Variants in FREM3 observed in about 807,000 individuals in gnomAD.
FREM3 encodes FRAS1-related extracellular matrix protein 3.
In FREM3, 105 loss-of-function variants were observed where a neutral mutation model predicts 129.1. The observed-to-expected ratio is 0.81, with a 90% CI of 0.69 to 0.96. The LOEUF is 0.96. Among genes scored for constraint, FREM3 ranks in the 40% least tolerant of loss-of-function variants. The pLI is 0.00. For synonymous variants in FREM3, 1,014 were observed against 1,044.9 expected, an observed-to-expected ratio of 0.97 and a Z score of 0.57; for missense variants, 2,593 against 2,666.3, an observed-to-expected ratio of 0.97 and a Z score of 0.61.
chr4:143,620,250 C>T (rs1328315982), intron 5 of FREM3, among the ~76,000 whole-genome samples: 1 of 152,174 alleles, frequency 6.6e-6, no homozygotes, highest in Non-Finnish European at 1.5e-5. Flanking sequence ...CCAACAGCTT[C>T]CAATCAGGAC....
chr4:143,683,687 T>A (rs1740300990), intron 2 of FREM3, among the ~76,000 whole-genome samples: 1 of 151,992 alleles, frequency 6.6e-6, no homozygotes, highest in South Asian at 2.1e-4. Flanking sequence ...AGGGAGCAAA[T>A]CCAGTGAGCA....
intron 2 of FREM3, among the ~76,000 whole-genome samples, chr4:143,646,754 C>T (rs1739425064): frequency 6.6e-6 from 1 of 152,184 alleles, no homozygotes; most frequent in Admixed American, 6.5e-5. Flanking sequence ...AGCATGAGAA[C>T]AGACTAATGC....
chr4:143,627,787 G>T (rs1031974611), intron 2 of FREM3, 27 bp from the exon 3 acceptor site: 3 of 1,496,582 alleles, frequency 2.0e-6, no homozygotes, highest in Non-Finnish European at 2.7e-6. Flanking sequence ...CAAAGGAAAA[G>T]TCAGCTGGAG....
At chr4:143,609,313 G>A (rs568928420) in intron 6 of FREM3, among the ~76,000 whole-genome samples, 58 of 152,254 alleles carry the variant, frequency 3.8e-4, no homozygotes, top group Non-Finnish European at 6.0e-4. Flanking sequence ...CTGTTCTGAC[G>A]CCAATCTTTC....
chr4:143,695,586 T>G lies in FREM3; in HGVS notation c.5090A>C (p.His1697Pro), dbSNP rs1200363754. 1.6e-5 allele frequency: 25 copies of G among 1,537,262 alleles called. No individual in the cohort carries two copies. The highest frequency in any genetic ancestry group is 2.0e-5 in the Non-Finnish European group (23 of 1,146,952). The change falls in exon 1 of 8, where the codon CAC becomes CCC. Residue 1697 changes from histidine (H) to proline (P), a missense_variant. His to Pro is a moderately conservative substitution (Grantham distance 77). Around this residue, in one of 2 missense-constraint regions of FREM3, gnomAD observed 2,276 missense variants for 2,267.2 expected, o/e 1.00. Coordinates refer to ENST00000329798, the MANE Select transcript of FREM3 (RefSeq NM_001168235.2). Reference sequence around the variant, plus strand: ...GGTCACTTTATACTTCAGAAGCCTGTGGGGACTGTCCTGATCTTCTGCCTT... The same window carrying G: ...GGTCACTTTATACTTCAGAAGCCTGGGGGGACTGTCCTGATCTTCTGCCTT... ...SLKAEDQDSP[H>P]RLLKYKVTRG...
intron 2 of FREM3, among the ~76,000 whole-genome samples, chr4:143,679,362 G>T (rs748738031): frequency 1.2e-4 from 18 of 152,124 alleles, no homozygotes; most frequent in Non-Finnish European, 2.5e-4. Context: ...GTGAAAAAGT[G>T]TTGCCTTTTA....
intron 3 of FREM3, 91 bp downstream of exon 3, chr4:143,627,523 T>G (rs778432773): frequency 3.4e-5 from 38 of 1,114,156 alleles, no homozygotes; most frequent in Middle Eastern, 2.0e-4. Flanking sequence ...AGTTCTTTAT[T>G]CTCTTTCAGT....
chr4:143,685,230 C>A (rs995841875), intron 2 of FREM3, among the ~76,000 whole-genome samples: 2 of 152,108 alleles, frequency 1.3e-5, no homozygotes, highest in African/African-American at 4.8e-5. Context: ...AGGAAATAAT[C>A]TTAAGAGCTG....
intron 2 of FREM3, among the ~76,000 whole-genome samples, chr4:143,639,096 T>C (rs1739278799): frequency 6.6e-6 from 1 of 152,116 alleles, no homozygotes; most frequent in Admixed American, 6.6e-5. Context: ...GATGTGGAAG[T>C]TTTAGAAAAC....
At chr4:143,579,062 C>CA (rs150448106) in intron 7 of FREM3, among the ~76,000 whole-genome samples, 2,291 of 96,880 alleles carry the variant, frequency 0.024, 37 homozygotes, top group African/African-American at 0.052. Flanking sequence ...CAAGAGTTGA[C>CA]AAAAAAAAAA....
intron 3 of FREM3, among the ~76,000 whole-genome samples, chr4:143,625,579 A>C (rs1443354513): frequency 6.6e-6 from 1 of 152,186 alleles, no homozygotes; most frequent in African/African-American, 2.4e-5. Context: ...CTTTGGCCAC[A>C]TGTTGGAAGT....
intron 6 of FREM3, among the ~76,000 whole-genome samples, chr4:143,592,211 CTT>C (rs984988860): frequency 4.9e-4 from 74 of 152,236 alleles, no homozygotes; most frequent in African/African-American, 1.7e-3. Flanking sequence ...CAGTCTGTGT[CTT>C]TTAATTGGAG....
chr4:143,667,857 CAG>C (rs1007191848), intron 2 of FREM3, among the ~76,000 whole-genome samples: 2 of 152,172 alleles, frequency 1.3e-5, no homozygotes, highest in African/African-American at 4.8e-5. Flanking sequence ...ATTTTCTTAG[CAG>C]AGTTTTCTGA....
chr4:143,628,430 A>G (rs1253362950), intron 2 of FREM3, among the ~76,000 whole-genome samples: 2 of 152,144 alleles, frequency 1.3e-5, no homozygotes, highest in Non-Finnish European at 2.9e-5. Flanking sequence ...TATTGGTAGC[A>G]AGAGAAGGTC....
In FREM3 at chr4:143,595,777, A is replaced by G. The variant is rs113602541; in HGVS notation, c.6029-9784T>C. 3.6e-3 allele frequency among the ~76,000 whole-genome samples: 540 copies of G among 151,686 alleles called. 1 individual carries two copies. The highest frequency in any genetic ancestry group is 0.013 in the African/African-American group (524 of 41,370). On this transcript the variant is annotated intron_variant, in intron 6 of 7. Transcript: ENST00000329798. ...GTGGCAGGCTCCTGTAGTCCCAGTTACTTGGGAGGCTGAGGCAGAAGAATG... is the reference window on the plus strand; with the variant it reads ...GTGGCAGGCTCCTGTAGTCCCAGTTGCTTGGGAGGCTGAGGCAGAAGAATG...
At chr4:143,640,784 C>T (rs936287639) in intron 2 of FREM3, among the ~76,000 whole-genome samples, 13 of 152,034 alleles carry the variant, frequency 8.6e-5, no homozygotes, top group African/African-American at 3.1e-4. Context: ...CCATAAAATA[C>T]TGTATGTACA....
chr4:143,580,486 AG>A (rs1034526101), intron 7 of FREM3, among the ~76,000 whole-genome samples: 17 of 152,196 alleles, frequency 1.1e-4, no homozygotes, highest in Non-Finnish European at 2.2e-4. Flanking sequence ...GGCAGAGCTA[AG>A]GCTCAGGCAT....
chr4:143,620,826 C>T (rs1046362385), intron 5 of FREM3, among the ~76,000 whole-genome samples: 5 of 152,116 alleles, frequency 3.3e-5, no homozygotes, highest in East Asian at 1.9e-4. Context: ...TTGAATAAAG[C>T]GTTATCCCTG....
intron 2 of FREM3, among the ~76,000 whole-genome samples, chr4:143,652,847 T>G (rs895746983): frequency 6.6e-6 from 1 of 152,312 alleles, no homozygotes; most frequent in East Asian, 1.9e-4. Context: ...CAGGCTAGTC[T>G]TGAACTCCTG....
Sources: gnomAD v4.1 joint callset for allele counts (sites outside exome capture counted in the v4.1 genomes callset) on GRCh38, gnomAD v4.1.1 for gene constraint, gnomAD v4.1.1 regional missense constraint, MANE v1.5 for transcripts, NCBI Gene and HGNC (gene_info 2026-07-23, HGNC 2026-07-21) for gene names.